TMEM114: variants seen among roughly 807,000 people sequenced by gnomAD.
TMEM114 encodes the protein transmembrane protein 114.
TMEM114 carries 6 observed loss-of-function variants against 6.2 expected under a neutral mutation model. The observed-to-expected ratio is 0.97, with a 90% CI of 0.53 to 1.91. The LOEUF (loss-of-function observed/expected upper bound fraction) is 1.91, where lower values mean the gene tolerates loss of function less well. Ranked by LOEUF, TMEM114 falls within the 40% of genes most tolerant of loss-of-function variation. TMEM114 has a pLI of 0.01. For missense variants in TMEM114, 218 were observed against 158.3 expected (o/e 1.38, Z -2.02); for synonymous variants, 104 against 73.0 (o/e 1.42, Z -2.16).
intron 2 of TMEM114, among the ~76,000 whole-genome samples, chr16:8,588,557 C>G (rs1378247273): frequency 2.6e-5 from 4 of 152,170 alleles, no homozygotes; most frequent in African/African-American, 9.7e-5. Context: ...CTCATTCATC[C>G]CATTTCCTTT....
intron 2 of TMEM114, among the ~76,000 whole-genome samples, chr16:8,576,252 G>C (rs555673630): frequency 6.6e-6 from 1 of 152,166 alleles, no homozygotes; most frequent in Admixed American, 6.5e-5. Context: ...GAGATATTTG[G>C]TCACAGAATT....
intron 2 of TMEM114, among the ~76,000 whole-genome samples, chr16:8,558,851 C>T (rs549049733): frequency 9.4e-4 from 142 of 151,534 alleles, no homozygotes; most frequent in African/African-American, 3.3e-3. Flanking sequence ...AGCAATTCTC[C>T]TGCCTCAGCC....
At chr16:8,572,414 C>G (rs1041011417) in intron 2 of TMEM114, 190 bp from the exon 3 acceptor site, 14 of 658,304 alleles carry the variant, frequency 2.1e-5, no homozygotes, top group Non-Finnish European at 3.7e-5. Context: ...TCATCTCGTG[C>G]AAGGCTGTGT....
At chr16:8,560,128 G>C (rs750347015) in intron 2 of TMEM114, among the ~76,000 whole-genome samples, 3 of 152,084 alleles carry the variant, frequency 2.0e-5, no homozygotes, top group Non-Finnish European at 2.9e-5. Flanking sequence ...GAGTAGCTGG[G>C]ACTACAGGTG....
At chr16:8,552,470 T>C (rs1475804905) in intron 2 of TMEM114, among the ~76,000 whole-genome samples, 1 of 151,856 alleles carries the variant, frequency 6.6e-6, no homozygotes, top group African/African-American at 2.4e-5. Context: ...GATTGTGCTG[T>C]GCAAAAATCT....
intron 2 of TMEM114, among the ~76,000 whole-genome samples, chr16:8,561,750 T>G (rs1901209456): frequency 6.6e-6 from 1 of 151,810 alleles, no homozygotes; most frequent in Admixed American, 6.6e-5. Context: ...AGTGGGGGAA[T>G]GAATGAATGA....
At chr16:8,535,983 T>C (rs978979354), downstream of TMEM114, among the ~76,000 whole-genome samples, 1 of 152,124 alleles carries the variant, frequency 6.6e-6, no homozygotes, top group Non-Finnish European at 1.5e-5. Context: ...CCCAGTACTT[T>C]GAGAGGTCGA....
At chr16:8,529,494 C>A in the TMEM114 span, among the ~76,000 whole-genome samples, 8 of 152,142 alleles carry the variant, frequency 5.3e-5, no homozygotes, top group Non-Finnish European at 8.8e-5. Context: ...AGTGTTTCTA[C>A]GACTGTGGTC....
chr16:8,543,503 C>A (rs996886365), intron 2 of TMEM114, among the ~76,000 whole-genome samples: 1 of 151,534 alleles, frequency 6.6e-6, no homozygotes, highest in Non-Finnish European at 1.5e-5. Flanking sequence ...ATGCTTCATT[C>A]CTCCAAAACT....
chr16:8,550,010 T>G (rs10468341), intron 2 of TMEM114, among the ~76,000 whole-genome samples: 68,810 of 151,836 alleles, frequency 0.45, 16,327 homozygotes, highest in Middle Eastern at 0.58. Context: ...AGGCCCAAGA[T>G]CCCCTGGCAA....
At chr16:8,581,193 A>G (rs1181753519) in intron 2 of TMEM114, among the ~76,000 whole-genome samples, 2 of 152,214 alleles carry the variant, frequency 1.3e-5, no homozygotes, top group Non-Finnish European at 2.9e-5. Context: ...CCTGCTGCCC[A>G]TAACACTCTG....
intron 2 of TMEM114, among the ~76,000 whole-genome samples, chr16:8,549,539 G>T (rs951652821): frequency 2.0e-4 from 30 of 150,876 alleles, no homozygotes; most frequent in Non-Finnish European, 4.4e-5. Flanking sequence ...CTCAAAGTGA[G>T]ATCTGTGTGA....
intron 2 of TMEM114, among the ~76,000 whole-genome samples, chr16:8,554,113 A>G (rs1054419187): frequency 2.0e-5 from 3 of 152,172 alleles, no homozygotes; most frequent in African/African-American, 7.2e-5. Flanking sequence ...TCCTGAGCTC[A>G]GGTGATCCAC....
chr16:8,577,816 A>G (rs926325499), intron 2 of TMEM114, among the ~76,000 whole-genome samples: 1 of 151,640 alleles, frequency 6.6e-6, no homozygotes, highest in Non-Finnish European at 1.5e-5. Flanking sequence ...TGAACTCCTG[A>G]CCTCAAGTGA....
chr16:8,549,501 G>C (rs1045048025), intron 2 of TMEM114, among the ~76,000 whole-genome samples: 2 of 106,898 alleles, frequency 1.9e-5, no homozygotes, highest in African/African-American at 6.6e-5. Flanking sequence ...ACTCCGTCTC[G>C]AAAAAAAAAA....
chr16:8,552,508 GCACA>G (rs1555462391), intron 2 of TMEM114, among the ~76,000 whole-genome samples: 27 of 146,530 alleles, frequency 1.8e-4, no homozygotes, highest in Non-Finnish European at 2.4e-4. Context: ...GCACAAAACT[GCACA>G]CACACACACA....
At chr16:8,529,587 A>G in the TMEM114 span, among the ~76,000 whole-genome samples, 1 of 152,188 alleles carries the variant, frequency 6.6e-6, no homozygotes, top group African/African-American at 2.4e-5. Context: ...ACTGAATTGG[A>G]ATAGGTAGGC....
chr16:8,576,419 C>T (rs140890864), intron 2 of TMEM114, among the ~76,000 whole-genome samples: 6 of 152,182 alleles, frequency 3.9e-5, no homozygotes, highest in Non-Finnish European at 8.8e-5. Context: ...TCCTTTGCTG[C>T]ACTGAGTAAT....
chr16:8,560,298 T>G (rs1049029300), intron 2 of TMEM114, among the ~76,000 whole-genome samples: 4 of 152,078 alleles, frequency 2.6e-5, no homozygotes, highest in Non-Finnish European at 5.9e-5. Context: ...GTGCCCAGCA[T>G]GCCCAGTGAT....
Sources: allele counts gnomAD v4.1 joint callset (sites outside exome capture counted in the v4.1 genomes callset), GRCh38; gene constraint gnomAD v4.1.1; transcripts MANE v1.5; gene names NCBI Gene and HGNC (gene_info 2026-07-23, HGNC 2026-07-21).